RHBDL1: variants seen among roughly 807,000 people sequenced by gnomAD.
The protein encoded by RHBDL1 is rhomboid-related protein 1.
RHBDL1 carries 21 observed loss-of-function variants against 34.0 expected under a neutral mutation model. That is an observed-to-expected ratio of 0.62 (90% CI 0.44 to 0.89). RHBDL1 has a LOEUF of 0.89. RHBDL1 is among the 40% of genes least tolerant of loss of function. The pLI, the probability that RHBDL1 is intolerant of heterozygous loss-of-function variation, is 0.00. For missense variants in RHBDL1, 450 were observed against 530.6 expected, an observed-to-expected ratio of 0.85 and a Z score of 1.49; for synonymous variants, 268 against 234.8, an observed-to-expected ratio of 1.14 and a Z score of -1.29.
Position 677,755 on chromosome 16 carries a change from C to T in RHBDL1, c.851-26C>T, listed in dbSNP as rs2039575539. On this transcript the variant is annotated intron_variant, in intron 7 of 7. Coordinates refer to ENST00000352681, the MANE Select transcript of RHBDL1 (RefSeq NM_001278720.2). ...GCCTCTCAGCCTGCAGCCAGGGCAC[C>T]TCCCACCTGCCGCGTCCCTCTGCAG... is the stretch of plus-strand genomic sequence containing the variant. The T allele has an allele frequency of 6.6e-6, 10 of 1,520,570 alleles. No individual in the cohort carries two copies. In the South Asian group the frequency reaches 7.8e-5, roughly 12 times the overall value. 94.2% of individuals were successfully genotyped at this position (1,520,570 alleles called of 1,614,324 possible).
chr16:676,418 C>T lies in RHBDL1; in HGVS notation c.122C>T (p.Pro41Leu), dbSNP rs767000541. 15 of 1,606,932 alleles carry T rather than the reference C, an allele frequency of 9.3e-6. No homozygotes were observed. The highest frequency in any genetic ancestry group is 3.3e-5 in the South Asian group (3 of 90,364). The change falls in exon 2 of 8, where the codon CCG becomes CTG. Residue 41 changes from proline (P) to leucine (L), a missense_variant. Physicochemically the swap from Pro to Leu is moderately conservative, Grantham distance 98. Transcript: ENST00000352681. The surrounding 1 kb of genome is among the most constrained non-coding windows in gnomAD (Gnocchi z 6.9). ...CACAGCCATGAGCTGCCCCTGGACC[C>T]GGCCAAGCTGGACATGCTGGTGGCC... is the stretch of plus-strand genomic sequence containing the variant. ...LVHSHELPLD[P>L]AKLDMLVALA... is the part of the protein sequence containing the mutation.
Position 676,146 on chromosome 16 carries a change from CTGG to C in RHBDL1, c.40-189_40-187del. On this transcript the variant is annotated intron_variant, in intron 1 of 7. Transcript: ENST00000352681. This position sits in a 1 kb window ranked among gnomAD's most constrained non-coding sequence, Gnocchi z 6.9. Reference sequence around the variant, plus strand: ...GGGGAACAACTGAGGAGCTGGAGGACTGGGACCCAGGCACCAGTGCCCTGCCAG... The same window carrying C: ...GGGGAACAACTGAGGAGCTGGAGGACGACCCAGGCACCAGTGCCCTGCCAG... 1 of 1,470,072 alleles carries C rather than the reference CTGG, an allele frequency of 6.8e-7. No homozygotes were observed. The highest frequency in any genetic ancestry group is 9.0e-7 in the Non-Finnish European group (1 of 1,107,050). 91.1% of individuals were successfully genotyped at this position (1,470,072 alleles called of 1,614,324 possible).
rs1294415619 is a variant in RHBDL1 at position 677,626 on chromosome 16, C to T, written c.790-13C>T. On this transcript the variant is annotated splice_polypyrimidine_tract_variant and intron_variant, in intron 6 of 7. Transcript: ENST00000352681. ...GGTGAGCCTCACCACTTCTCGTCTG[C>T]ACACACCCATAGAACTGGGCTGGGA... The T allele has an allele frequency of 6.3e-7, 1 of 1,597,998 alleles. No individual in the cohort carries two copies. The highest frequency in any genetic ancestry group is 1.7e-5 in the Admixed American group (1 of 58,840).
chr16:677,261 C>T lies in RHBDL1; in HGVS notation c.576-15C>T. On this transcript the variant is annotated splice_polypyrimidine_tract_variant and intron_variant, in intron 4 of 7. Transcript: ENST00000352681. ...TGACCCCACCCTTCGTACCCGTTTG[C>T]TTCCCTGTGGCCAGGCTGGAGCAGC... 2 of 1,560,470 alleles carry T rather than the reference C, an allele frequency of 1.3e-6. No individual in the cohort carries two copies. Among genetic ancestry groups the T allele is most frequent in the Non-Finnish European group, 8.7e-7 (1 of 1,153,172 alleles).
chr16:677,756 T>C (rs2039575605), intron 7 of RHBDL1, 25 bp from the exon 8 acceptor site: 3 of 1,520,204 alleles, frequency 2.0e-6, no homozygotes, highest in Non-Finnish European at 2.6e-6. Flanking sequence ...CCAGGGCACC[T>C]CCCACCTGCC....
In RHBDL1 at chr16:678,210, C is replaced by T. The variant is rs570431809; in HGVS notation, c.*158C>T. 7.2e-6 allele frequency: 10 copies of T among 1,384,352 alleles called. No homozygotes were observed. Among genetic ancestry groups the T allele is most frequent in the African/African-American group, 4.5e-5 (3 of 67,354 alleles). 85.8% of individuals were successfully genotyped at this position (1,384,352 alleles called of 1,614,324 possible). A position where few individuals can be genotyped will look rare whatever the true frequency, so the allele number is the denominator to read the frequency against. ...GGCCCTGTCCCAGCCACCCACCCCC[C>T]ACTCCCAGGACTTGCGGTCTGAGCC... On this transcript the variant is annotated 3_prime_UTR_variant, in exon 8 of 8. Coordinates refer to ENST00000352681, the MANE Select transcript of RHBDL1 (RefSeq NM_001278720.2).
At position 675,810 on chromosome 16, in the gene RHBDL1, T is replaced by G; in HGVS notation, c.20T>G (p.Leu7Arg). MDRSSL[L>R]QLIQEQQLDP... ...GGCTCTATGGACAGGAGCTCGCTGC[T>G]GCAGCTCATCCAGGAGCAGGTGCGT... The change falls in exon 1 of 8, where the codon CTG becomes CGG. Residue 7 changes from leucine to arginine, a missense_variant. Transcript: ENST00000352681. The G allele has an allele frequency of 6.6e-7, 1 of 1,514,012 alleles. No individual in the cohort carries two copies. The highest frequency in any genetic ancestry group is 8.8e-7 in the Non-Finnish European group (1 of 1,134,616). 93.8% of individuals were successfully genotyped at this position (1,514,012 alleles called of 1,614,324 possible).
Position 678,164 on chromosome 16 carries a change from GGTGTGGGT to G in RHBDL1, c.*114_*121del. 7.1e-7 allele frequency: 1 copy of G among 1,400,672 alleles called. No homozygotes were observed. 86.8% of individuals were successfully genotyped at this position (1,400,672 alleles called of 1,614,324 possible). On this transcript the variant is annotated 3_prime_UTR_variant, in exon 8 of 8. Transcript: ENST00000352681. The stretch of plus-strand genomic sequence containing the variant: ...CGTCTCAGGGCTGCTGTGCCCCTTG[GGTGTGGGT>G]GGCCTCAAAGGAGGCCCTGTCCCAG...
In RHBDL1 at chr16:676,885, A is replaced by G; in HGVS notation, c.415A>G (p.Thr139Ala). The G allele has an allele frequency of 6.2e-7, 1 of 1,610,078 alleles. No individual in the cohort carries two copies. The highest frequency in any genetic ancestry group is 8.5e-7 in the Non-Finnish European group (1 of 1,179,070). Residue 139 changes from threonine (T) to alanine (A), a missense_variant, in exon 3 of 8, where the codon ACT (threonine) becomes GCT (alanine). Coordinates refer to ENST00000352681, the MANE Select transcript of RHBDL1 (RefSeq NM_001278720.2). The surrounding 1 kb of genome is among the most constrained non-coding windows in gnomAD (Gnocchi z 6.9). Reference sequence around the variant, plus strand: ...ACCCCCCGTGTTCATGGCCTCGGTCACTCTTGCCCAGGTGGGCCCCCCGGC... The same window carrying G: ...ACCCCCCGTGTTCATGGCCTCGGTCGCTCTTGCCCAGGTGGGCCCCCCGGC... ...CPPPVFMASV[T>A]LAQIIVFLCY...
At position 675,889 on chromosome 16, in the gene RHBDL1, G is replaced by A. The variant is rs937616558; in HGVS notation, c.39+60G>A. 180 of 1,461,648 alleles carry A rather than the reference G, an allele frequency of 1.2e-4. No homozygotes were observed. In the African/African-American group the frequency reaches 2.4e-3, roughly 20 times the overall value. 90.5% of individuals were successfully genotyped at this position (1,461,648 alleles called of 1,614,324 possible). ...CCCCCAATGCGGCCCTCCTGCCGCT[G>A]AGCTGAGCTTGTGCGGGACCGAGCT... On this transcript the variant is annotated intron_variant, in intron 1 of 7. Transcript: ENST00000352681.
Position 675,795 on chromosome 16 carries a change from A to G in RHBDL1, c.5A>G (p.Asp2Gly). 6.6e-7 allele frequency: 1 copy of G among 1,505,918 alleles called. No homozygotes were observed. Among genetic ancestry groups the G allele is most frequent in the Admixed American group, 2.1e-5 (1 of 48,172 alleles). 93.3% of individuals were successfully genotyped at this position (1,505,918 alleles called of 1,614,324 possible). A position where few individuals can be genotyped will look rare whatever the true frequency, so the allele number is the denominator to read the frequency against. Residue 2 changes from aspartate to glycine, a missense_variant, in exon 1 of 8, where the codon GAC becomes GGC. Physicochemically the swap from Asp to Gly is moderately conservative, Grantham distance 94 (BLOSUM62 -1). Transcript: ENST00000352681. M[D>G]RSSLLQLIQE... ...CCCGGCCCCCGGCCAGGCTCTATGG[A>G]CAGGAGCTCGCTGCTGCAGCTCATC...
At position 676,031 on chromosome 16, in the gene RHBDL1, G is replaced by A. The variant is rs1486792896; in HGVS notation, c.39+202G>A. The A allele has an allele frequency of 8.6e-6, 12 of 1,388,300 alleles. No individual in the cohort carries two copies. Among genetic ancestry groups the A allele is most frequent in the Middle Eastern group, 2.6e-4 (1 of 3,808 alleles). 86.0% of individuals were successfully genotyped at this position (1,388,300 alleles called of 1,614,324 possible). A position where few individuals can be genotyped will look rare whatever the true frequency, so the allele number is the denominator to read the frequency against. ...TCCTGGCTGGAGAAGGGAGAGTCGGGGGGAGGGAGGGAGGGAGGGAGGGAG... is the reference window on the plus strand; with the variant it reads ...TCCTGGCTGGAGAAGGGAGAGTCGGAGGGAGGGAGGGAGGGAGGGAGGGAG... On this transcript the variant is annotated intron_variant, in intron 1 of 7. Coordinates refer to ENST00000352681, the MANE Select transcript of RHBDL1 (RefSeq NM_001278720.2). The surrounding 1 kb of genome is among the most constrained non-coding windows in gnomAD (Gnocchi z 6.9).
In RHBDL1 at chr16:676,958, C is replaced by T. The variant is rs536250789; in HGVS notation, c.427-13C>T. 5 of 1,612,134 alleles carry T rather than the reference C, an allele frequency of 3.1e-6. No individual in the cohort carries two copies. Among genetic ancestry groups the T allele is most frequent in the South Asian group, 1.1e-5 (1 of 91,060 alleles). ...GCTCCTGGCCATGACCAGCCTAACACTCGTGTCCCCAGATCATCGTGTTCC... is the reference window on the plus strand; with the variant it reads ...GCTCCTGGCCATGACCAGCCTAACATTCGTGTCCCCAGATCATCGTGTTCC... On this transcript the variant is annotated splice_polypyrimidine_tract_variant and intron_variant, in intron 3 of 7. Coordinates refer to ENST00000352681, the MANE Select transcript of RHBDL1 (RefSeq NM_001278720.2). This position sits in a 1 kb window ranked among gnomAD's most constrained non-coding sequence, Gnocchi z 6.9.
Position 675,798 on chromosome 16 carries a change from G to T in RHBDL1, c.8G>T (p.Arg3Met). 2 of 1,508,716 alleles carry T rather than the reference G, an allele frequency of 1.3e-6. No individual in the cohort carries two copies. Among genetic ancestry groups the T allele is most frequent in the Non-Finnish European group, 1.8e-6 (2 of 1,132,474 alleles). The allele number at this position is 1,508,716 out of a possible 1,614,324, so 93.5% of individuals were successfully genotyped here. Residue 3 changes from arginine (R) to methionine (M), a missense_variant, in exon 1 of 8, where the codon AGG (arginine) becomes ATG (methionine). Physicochemically the swap from Arg to Met is moderately conservative, Grantham distance 91. Coordinates refer to ENST00000352681, the MANE Select transcript of RHBDL1 (RefSeq NM_001278720.2). Reference protein sequence around the residue: MDRSSLLQLIQEQ... With the variant: MDMSSLLQLIQEQ... ...GGCCCCCGGCCAGGCTCTATGGACAGGAGCTCGCTGCTGCAGCTCATCCAG... is the reference window on the plus strand; with the variant it reads ...GGCCCCCGGCCAGGCTCTATGGACATGAGCTCGCTGCTGCAGCTCATCCAG...
At position 677,056 on chromosome 16, in the gene RHBDL1, T is replaced by C; in HGVS notation, c.512T>C (p.Val171Ala). 5.0e-6 allele frequency: 8 copies of C among 1,612,898 alleles called. No homozygotes were observed. Among genetic ancestry groups the C allele is most frequent in the Non-Finnish European group, 6.8e-6 (8 of 1,179,944 alleles). The change falls in exon 4 of 8, where the codon GTG becomes GCG. Residue 171 changes from valine (V) to alanine (A), a missense_variant. Transcript: ENST00000352681. ...CCCGAGTACATGAAGAGCCCCCTTG[T>C]GTACCACCCCGGGCACCGTGCCCGC... ...YHPEYMKSPLVYHPGHRARAW... is the reference protein window; with the variant it reads ...YHPEYMKSPLAYHPGHRARAW...
chr16:676,358 G>C lies in RHBDL1; in HGVS notation c.62G>C (p.Gly21Ala). The change falls in exon 2 of 8, where the codon GGC (glycine) becomes GCC (alanine). Residue 21 changes from glycine to alanine, a missense_variant. Transcript: ENST00000352681. The surrounding 1 kb of genome is among the most constrained non-coding windows in gnomAD (Gnocchi z 6.9). Reference protein sequence around the residue: ...QEQQLDPENTGFIGADTFTGL... With the variant: ...QEQQLDPENTAFIGADTFTGL... Reference sequence around the variant, plus strand: ...CAGCAGCTGGACCCCGAGAACACAGGCTTCATCGGTGCGGACACCTTCACT... The same window carrying C: ...CAGCAGCTGGACCCCGAGAACACAGCCTTCATCGGTGCGGACACCTTCACT... 6.2e-7 allele frequency: 1 copy of C among 1,610,580 alleles called. No homozygotes were observed. Among genetic ancestry groups the C allele is most frequent in the African/African-American group, 1.3e-5 (1 of 74,988 alleles).
chr16:675,854 G>C lies in RHBDL1; in HGVS notation c.39+25G>C, dbSNP rs1596542600. 3 of 1,506,472 alleles carry C rather than the reference G, an allele frequency of 2.0e-6. No homozygotes were observed. The East Asian group carries it at 7.9e-5, about 40-fold the overall frequency. The allele number at this position is 1,506,472 out of a possible 1,614,324, so 93.3% of individuals were successfully genotyped here. On this transcript the variant is annotated intron_variant, in intron 1 of 7. Coordinates refer to ENST00000352681, the MANE Select transcript of RHBDL1 (RefSeq NM_001278720.2). ...GGTGCGTCGGGGGGTGGTCTGGGGAGCTGGCACCGCCCCCAATGCGGCCCT... is the reference window on the plus strand; with the variant it reads ...GGTGCGTCGGGGGGTGGTCTGGGGACCTGGCACCGCCCCCAATGCGGCCCT...
rs374372693 is a variant in RHBDL1 at position 677,255 on chromosome 16, C to T, written c.576-21C>T. 7.7e-6 allele frequency: 12 copies of T among 1,559,378 alleles called. No homozygotes were observed. In the African/African-American group the frequency reaches 8.2e-5, roughly 11 times the overall value. ...GATGGCTGACCCCACCCTTCGTACC[C>T]GTTTGCTTCCCTGTGGCCAGGCTGG... On this transcript the variant is annotated intron_variant, in intron 4 of 7. Coordinates refer to ENST00000352681, the MANE Select transcript of RHBDL1 (RefSeq NM_001278720.2).
chr16:675,963 C>G, intron 1 of RHBDL1, 134 bp downstream of exon 1: 2 of 1,386,916 alleles, frequency 1.4e-6, no homozygotes. Context: ...CGACCTTGGT[C>G]CGTGTGTCTG....
Sources: gnomAD v4.1 joint callset for allele counts on GRCh38, gnomAD v4.1.1 for gene constraint, Gnocchi (gnomAD v3.1) non-coding constraint, MANE v1.5 for transcripts, NCBI Gene and HGNC (gene_info 2026-07-23, HGNC 2026-07-21) for gene names.